The following PPIL3 variants were observed in gnomAD, a reference collection of about 807,000 sequenced individuals.
PPIL3 encodes the protein peptidylprolyl isomerase like 3.
A neutral mutation model predicts 20.9 loss-of-function variants in PPIL3; 13 were observed. That is an observed-to-expected ratio of 0.62 (90% CI 0.40 to 0.99). The LOEUF (loss-of-function observed/expected upper bound fraction) is 0.99, where lower values mean the gene tolerates loss of function less well. Ranked by LOEUF, PPIL3 falls within the 50% of genes least tolerant of loss-of-function variation. The pLI is 0.00. For synonymous variants in PPIL3, 71 were observed against 64.4 expected (o/e 1.10, Z -0.49); for missense variants, 170 against 195.2 (o/e 0.87, Z 0.77).
chr2:200,885,206 A>C (rs1195795807), intron 3 of PPIL3: 3 of 209,696 alleles, frequency 1.4e-5, no homozygotes, highest in Non-Finnish European at 2.8e-5. Context: ...CCCTGTCTCT[A>C]CTAAAAATAC....
chr2:200,879,362 G>A lies in PPIL3; in HGVS notation c.240+2059C>T, dbSNP rs982667295. 1.3e-4 allele frequency among the ~76,000 whole-genome samples: 19 copies of A among 151,920 alleles called. 1 individual carries two copies. Among genetic ancestry groups the A allele is most frequent in the African/African-American group, 3.6e-4 (15 of 41,444 alleles). On this transcript the variant is annotated intron_variant, in intron 5 of 6. Coordinates refer to ENST00000392283, the MANE Select transcript of PPIL3 (RefSeq NM_130906.3). ...TCTTGATCTCCTGCCCTCGTGATCC[G>A]CCCGCCTCGGCCTCCCAAAGTGCTG...
At chr2:200,881,545 C>A in intron 4 of PPIL3, 57 bp from the exon 5 acceptor site, 2 of 1,448,902 alleles carry the variant, frequency 1.4e-6, no homozygotes, top group Non-Finnish European at 1.9e-6. Context: ...AAAACAAGTT[C>A]ATTTCCCAAA....
chr2:200,872,532 T>C (rs549552655), intron 6 of PPIL3, among the ~76,000 whole-genome samples: 1 of 152,200 alleles, frequency 6.6e-6, no homozygotes, highest in South Asian at 2.1e-4. Flanking sequence ...CCTCTAAAAA[T>C]ACATGGCTGA....
chr2:200,887,663 A>G lies in PPIL3; in HGVS notation c.-48T>C. On this transcript the variant is annotated 5_prime_UTR_variant, in exon 2 of 7. Transcript: ENST00000392283. The stretch of plus-strand genomic sequence containing the variant: ...AAGGACTACGTGATTTCTCAGTCTT[A>G]CAGCGAGCTCAAAAATAAGTCTCTA... The G allele has an allele frequency of 2.6e-6, 4 of 1,558,156 alleles. No individual in the cohort carries two copies. The highest frequency in any genetic ancestry group is 1.4e-5 in the African/African-American group (1 of 72,998).
chr2:200,885,581 C>A, intron 3 of PPIL3, 117 bp downstream of exon 3: 1 of 691,114 alleles, frequency 1.4e-6, no homozygotes, highest in South Asian at 1.7e-5. Flanking sequence ...GGCTAGTTTT[C>A]CCTAACAATG....
chr2:200,879,168 G>C (rs997127930), intron 5 of PPIL3, among the ~76,000 whole-genome samples: 1 of 151,914 alleles, frequency 6.6e-6, no homozygotes, highest in Non-Finnish European at 1.5e-5. Context: ...GCCCAGACTG[G>C]AGTGCAGCAG....
rs757195167 is a variant in PPIL3, at chr2:200,887,646, C to T, written c.-31G>A. On this transcript the variant is annotated 5_prime_UTR_variant, in exon 2 of 7. Transcript: ENST00000392283. ...CTCTTAGTGGTTTCAGGAAGGACTA[C>T]GTGATTTCTCAGTCTTACAGCGAGC... is the stretch of plus-strand genomic sequence containing the variant. 3.1e-6 allele frequency: 5 copies of T among 1,591,744 alleles called. No individual in the cohort carries two copies. The highest frequency in any genetic ancestry group is 1.7e-5 in the Admixed American group (1 of 58,364).
At chr2:200,887,743 T>G in intron 1 of PPIL3, 58 bp from the exon 2 acceptor site, 2 of 690,222 alleles carry the variant, frequency 2.9e-6, no homozygotes, top group East Asian at 5.5e-5. Context: ...TCACACACGC[T>G]CATCTTTACT....
intron 5 of PPIL3, 26 bp downstream of exon 5, chr2:200,881,395 A>G (rs774239581): frequency 6.3e-6 from 10 of 1,578,120 alleles, no homozygotes; most frequent in Non-Finnish European, 8.7e-6. Context: ...CATGAGAAAT[A>G]GATTTTTAAA....
Position 200,887,780 on chromosome 2 carries a change from G to A in PPIL3, c.-70-95C>T. 4 of 498,664 alleles carry A rather than the reference G, an allele frequency of 8.0e-6. No homozygotes were observed. The South Asian group carries it at 1.4e-4, about 17-fold the overall frequency. 30.9% of individuals were successfully genotyped at this position (498,664 alleles called of 1,614,324 possible). A position where few individuals can be genotyped will look rare whatever the true frequency, so the allele number is the denominator to read the frequency against. On this transcript the variant is annotated intron_variant, in intron 1 of 6. Transcript: ENST00000392283. The stretch of plus-strand genomic sequence containing the variant: ...AACATTTTAAATAAAAACCTCGCCG[G>A]GCGTGGTGGCTCACGCCTATAATCC...
In PPIL3 at chr2:200,871,293, C is replaced by T; in HGVS notation, c.*102G>A. ...TTTCATAGAAGATCATAGTTGTAAACAAGCAGAAGGATGATGCAATCTCTG... is the reference window on the plus strand; with the variant it reads ...TTTCATAGAAGATCATAGTTGTAAATAAGCAGAAGGATGATGCAATCTCTG... On this transcript the variant is annotated 3_prime_UTR_variant, in exon 7 of 7. Coordinates refer to ENST00000392283, the MANE Select transcript of PPIL3 (RefSeq NM_130906.3). 6.3e-6 allele frequency: 8 copies of T among 1,271,042 alleles called. No homozygotes were observed. Among genetic ancestry groups the T allele is most frequent in the Non-Finnish European group, 8.6e-6 (8 of 927,166 alleles). 78.7% of individuals were successfully genotyped at this position (1,271,042 alleles called of 1,614,324 possible).
intron 6 of PPIL3, 128 bp from the exon 7 acceptor site, chr2:200,871,649 G>A (rs377314723): frequency 6.1e-5 from 47 of 776,816 alleles, no homozygotes; most frequent in East Asian, 3.6e-4. Flanking sequence ...CTAGTTGAAT[G>A]TACAACAAAA....
chr2:200,887,499 A>G, intron 2 of PPIL3, 114 bp downstream of exon 2: 1 of 671,994 alleles, frequency 1.5e-6, no homozygotes. Flanking sequence ...CTTCTATATT[A>G]TACAATTTCT....
intron 5 of PPIL3, chr2:200,877,550 C>T (rs2039567764): frequency 6.6e-6 from 1 of 152,172 alleles, no homozygotes; most frequent in Non-Finnish European, 1.5e-5. Context: ...GGCAACAAAA[C>T]CAAAATGCCC....
intron 3 of PPIL3, among the ~76,000 whole-genome samples, chr2:200,882,866 C>T (rs2039782633): frequency 6.7e-6 from 1 of 150,108 alleles, no homozygotes; most frequent in Admixed American, 6.6e-5. Flanking sequence ...CACCACTGCA[C>T]TCCAGCCCGG....
In PPIL3 at chr2:200,874,017, A is replaced by C. The variant is rs987758687; in HGVS notation, c.360-2496T>G. Among the ~76,000 whole-genome samples the C allele has an allele frequency of 2.0e-5, 3 of 151,354 alleles. No individual in the cohort carries two copies. In the East Asian group the frequency reaches 6.0e-4, roughly 30 times the overall value. ...TCGGGAGATTGAGACCATCCTGGCT[A>C]ACATGGTGAAACCCCGTCTCTACTA... On this transcript the variant is annotated intron_variant, in intron 6 of 6. Transcript: ENST00000392283.
intron 1 of PPIL3, 37 bp from the exon 2 acceptor site, chr2:200,887,722 C>T (rs2124848293): frequency 1.1e-6 from 1 of 918,402 alleles, no homozygotes; most frequent in Admixed American, 2.4e-5. Context: ...GGCTCATTTT[C>T]CTGTCTTAAC....
chr2:200,878,254 T>G (rs2105768349), intron 5 of PPIL3, among the ~76,000 whole-genome samples: 1 of 152,278 alleles, frequency 6.6e-6, no homozygotes, highest in South Asian at 2.1e-4. Flanking sequence ...ATTTACCAAT[T>G]CATTGAATAA....
At position 200,887,656 on chromosome 2, in the gene PPIL3, CA is replaced by C; in HGVS notation, c.-42del. 1 of 1,569,082 alleles carries C rather than the reference CA, an allele frequency of 6.4e-7. No individual in the cohort carries two copies. The highest frequency in any genetic ancestry group is 1.2e-5 in the South Asian group (1 of 84,484). On this transcript the variant is annotated 5_prime_UTR_variant, in exon 2 of 7. Coordinates refer to ENST00000392283, the MANE Select transcript of PPIL3 (RefSeq NM_130906.3). ...TTTCAGGAAGGACTACGTGATTTCTCAGTCTTACAGCGAGCTCAAAAATAAG... is the reference window on the plus strand; with the variant it reads ...TTTCAGGAAGGACTACGTGATTTCTCGTCTTACAGCGAGCTCAAAAATAAG...
Sources: gnomAD v4.1 joint callset for allele counts (sites outside exome capture counted in the v4.1 genomes callset) on GRCh38, gnomAD v4.1.1 for gene constraint, MANE v1.5 for transcripts, NCBI Gene and HGNC (gene_info 2026-07-23, HGNC 2026-07-21) for gene names.